Variants in P4HA1 observed in about 807,000 individuals in gnomAD.
P4HA1 encodes the protein prolyl 4-hydroxylase subunit alpha-1.
P4HA1 carries 24 observed loss-of-function variants against 72.8 expected under a neutral mutation model. The observed-to-expected ratio is 0.33, with a 90% CI of 0.24 to 0.46. The LOEUF (loss-of-function observed/expected upper bound fraction) is 0.46, where lower values mean the gene tolerates loss of function less well. Ranked by LOEUF, P4HA1 falls within the 20% of genes least tolerant of loss-of-function variation. The pLI is 1.00. For synonymous variants in P4HA1, 201 were observed against 218.8 expected (o/e 0.92, Z 0.72); for missense variants, 446 against 640.6 (o/e 0.70, Z 3.28).
At chr10:73,052,236 G>A (rs1461300006) in intron 6 of P4HA1, among the ~76,000 whole-genome samples, 1 of 150,768 alleles carries the variant, frequency 6.6e-6, no homozygotes, top group African/African-American at 2.4e-5. Flanking sequence ...AAAATAAAAA[G>A]GCAGAAGAAT....
At chr10:73,028,922 G>T (rs117866313) in intron 10 of P4HA1, among the ~76,000 whole-genome samples, 2,666 of 151,402 alleles carry the variant, frequency 0.018, 39 homozygotes, top group Non-Finnish European at 0.025. Flanking sequence ...GCATGTGCCT[G>T]TGGTCCCAGC....
At chr10:73,077,847 G>A (rs1234491143) in intron 1 of P4HA1, among the ~76,000 whole-genome samples, 3 of 151,420 alleles carry the variant, frequency 2.0e-5, no homozygotes, top group Non-Finnish European at 4.4e-5. Flanking sequence ...AAATTAGCTG[G>A]GTACGGTGGC....
intron 1 of P4HA1, among the ~76,000 whole-genome samples, chr10:73,087,559 C>G (rs1055949001): frequency 1.3e-5 from 2 of 152,252 alleles, no homozygotes; most frequent in Admixed American, 6.5e-5. Flanking sequence ...ACCCACCATG[C>G]CTGGCCTATG....
At chr10:73,028,802 T>C (rs12246277) in intron 10 of P4HA1, among the ~76,000 whole-genome samples, 16,195 of 151,860 alleles carry the variant, frequency 0.11, 1,247 homozygotes, top group East Asian at 0.29. Flanking sequence ...CCCAACACTT[T>C]GGGAGGCCAA....
intron 11 of P4HA1, 99 bp from the exon 12 acceptor site, chr10:73,014,388 G>T: frequency 1.1e-6 from 1 of 876,920 alleles, no homozygotes; most frequent in Non-Finnish European, 1.9e-6. Flanking sequence ...TGAAGAATAT[G>T]CCAACAACAA....
intron 7 of P4HA1, among the ~76,000 whole-genome samples, chr10:73,049,531 G>A (rs1221423075): frequency 6.6e-6 from 1 of 152,116 alleles, no homozygotes; most frequent in Non-Finnish European, 1.5e-5. Flanking sequence ...GAAGTTTTGA[G>A]GCTAAACAAA....
intron 5 of P4HA1, among the ~76,000 whole-genome samples, chr10:73,058,105 A>G (rs1405392827): frequency 2.7e-5 from 4 of 150,366 alleles, no homozygotes; most frequent in East Asian, 1.9e-4. Flanking sequence ...AAAAAAAAAA[A>G]AAAAAAAAAA....
chr10:73,045,110 C>A, intron 8 of P4HA1, 59 bp from the exon 9 acceptor site: 1 of 1,372,364 alleles, frequency 7.3e-7, no homozygotes, highest in Non-Finnish European at 1.0e-6. Context: ...ATCACATTTA[C>A]CCAACCAGTC....
intron 1 of P4HA1, among the ~76,000 whole-genome samples, chr10:73,080,041 A>G (rs1232592992): frequency 6.6e-6 from 1 of 152,178 alleles, no homozygotes; most frequent in Non-Finnish European, 1.5e-5. Flanking sequence ...AGGATCTATA[A>G]ACAGGACAAA....
intron 12 of P4HA1, 82 bp downstream of exon 12, chr10:73,014,142 C>T (rs1251422727): frequency 2.1e-6 from 2 of 940,228 alleles, no homozygotes; most frequent in Non-Finnish European, 3.5e-6. Flanking sequence ...TGAATCAGAG[C>T]TACACAGAAC....
At chr10:73,014,104 C>A in intron 12 of P4HA1, 120 bp downstream of exon 12, 1 of 686,032 alleles carries the variant, frequency 1.5e-6, no homozygotes, top group South Asian at 1.9e-5. Context: ...TCACTTTATT[C>A]AGTTGTAAAA....
chr10:73,065,333 A>G (rs987692527), intron 5 of P4HA1: 14 of 152,208 alleles, frequency 9.2e-5, no homozygotes, highest in Admixed American at 7.2e-4. Context: ...CTTAAGAACT[A>G]TAAGGACAAC....
intron 1 of P4HA1, among the ~76,000 whole-genome samples, chr10:73,078,988 G>A (rs908342452): frequency 6.6e-6 from 1 of 151,946 alleles, no homozygotes; most frequent in Non-Finnish European, 1.5e-5. Context: ...AATTAACTTC[G>A]TACAAAATAA....
intron 9 of P4HA1, among the ~76,000 whole-genome samples, chr10:73,036,502 T>C (rs1840580113): frequency 6.6e-6 from 1 of 151,900 alleles, no homozygotes; most frequent in Non-Finnish European, 1.5e-5. Context: ...GCTCAAGCAA[T>C]CCTCCCACCT....
intron 4 of P4HA1, 79 bp from the exon 5 acceptor site, chr10:73,069,062 C>G: frequency 1.8e-6 from 2 of 1,092,160 alleles, no homozygotes; most frequent in Non-Finnish European, 2.7e-6. Flanking sequence ...AAGGATTGTT[C>G]AAAATCTATT....
At chr10:73,036,699 AAAATAC>A (rs1278539121) in intron 9 of P4HA1, among the ~76,000 whole-genome samples, 6 of 152,246 alleles carry the variant, frequency 3.9e-5, no homozygotes, top group East Asian at 3.9e-4. Flanking sequence ...CACCTGGCCC[AAAATAC>A]ATTAAGACTT....
chr10:73,038,712 C>T lies in P4HA1; in HGVS notation c.1148+6269G>A, dbSNP rs1180191964. Among the ~76,000 whole-genome samples the T allele has an allele frequency of 2.8e-5, 3 of 107,776 alleles. 1 individual carries two copies. The highest frequency in any genetic ancestry group is 5.1e-5 in the Non-Finnish European group (3 of 58,564). The allele number at this position is 107,776 out of a possible 152,430, so 70.7% of individuals were successfully genotyped here. On this transcript the variant is annotated intron_variant, in intron 9 of 14. Transcript: ENST00000394890. ...CGGGATCTCGGCTCACTGCAAGCTC[C>T]GCCTCCCGGGTTCACGCCATTCTCC...
At chr10:73,091,894 G>A (rs1487647998) in intron 1 of P4HA1, among the ~76,000 whole-genome samples, 1 of 152,132 alleles carries the variant, frequency 6.6e-6, no homozygotes, top group Non-Finnish European at 1.5e-5. Flanking sequence ...AGGCCACTCA[G>A]GTCAGAGTAG....
intron 14 of P4HA1, among the ~76,000 whole-genome samples, chr10:73,008,571 A>C (rs528902316): frequency 6.6e-6 from 1 of 152,202 alleles, no homozygotes; most frequent in African/African-American, 2.4e-5. Flanking sequence ...TACAGTTTCC[A>C]ATGTTCAATG....
Sources: gnomAD v4.1 joint callset for allele counts (sites outside exome capture counted in the v4.1 genomes callset) on GRCh38, gnomAD v4.1.1 for gene constraint, MANE v1.5 for transcripts, NCBI Gene and HGNC (gene_info 2026-07-23, HGNC 2026-07-21) for gene names.